CNST: variants seen among roughly 807,000 people sequenced by gnomAD.
The protein encoded by CNST is consortin, connexin sorting protein.
A neutral mutation model predicts 72.4 loss-of-function variants in CNST; 39 were observed. The observed-to-expected ratio is 0.54, with a 90% CI of 0.42 to 0.70. CNST has a LOEUF of 0.70. Ranked by LOEUF, CNST falls within the 30% of genes least tolerant of loss-of-function variation. The pLI, the probability that CNST is intolerant of heterozygous loss-of-function variation, is 0.00. For missense variants in CNST, 871 were observed against 868.5 expected (o/e 1.00, Z -0.04); for synonymous variants, 332 against 320.1 (o/e 1.04, Z -0.40).
At chr1:246,634,750 C>T (rs1045020322) in intron 6 of CNST, among the ~76,000 whole-genome samples, 163 bp downstream of exon 6, 3 of 152,188 alleles carry the variant, frequency 2.0e-5, no homozygotes, top group African/African-American at 4.8e-5. Flanking sequence ...ACCCCGGGAG[C>T]GCGCCAACAG....
chr1:246,607,491 CA>C (rs1035111074), intron 2 of CNST: 1 of 152,732 alleles, frequency 6.5e-6, no homozygotes, highest in African/African-American at 2.4e-5. Context: ...ACAGACAGCA[CA>C]AGGCAGTGTG....
At chr1:246,586,109 A>ACG (rs1661170297) in intron 1 of CNST, among the ~76,000 whole-genome samples, 2 of 122,174 alleles carry the variant, frequency 1.6e-5, no homozygotes, top group Admixed American at 8.7e-5. Context: ...ATATATATAT[A>ACG]TATGTGTGTG....
chr1:246,628,648 C>T (rs1664595405), intron 3 of CNST, among the ~76,000 whole-genome samples: 3 of 152,148 alleles, frequency 2.0e-5, no homozygotes, highest in Admixed American at 6.6e-5. Flanking sequence ...ATCGGGCCCT[C>T]CCTTGGGCCT....
intron 2 of CNST, among the ~76,000 whole-genome samples, chr1:246,613,732 C>T (rs1183840214): frequency 7.9e-6 from 1 of 127,312 alleles, no homozygotes. Flanking sequence ...CTAGCTTTGT[C>T]TTCCAGGCTG....
intron 2 of CNST, among the ~76,000 whole-genome samples, chr1:246,610,255 T>C (rs1663219762): frequency 1.3e-5 from 2 of 152,364 alleles, no homozygotes; most frequent in Admixed American, 6.5e-5. Flanking sequence ...CACTCCAGCC[T>C]GGGCAATGGA....
At chr1:246,645,718 C>T (rs927668116) in intron 8 of CNST, among the ~76,000 whole-genome samples, 4 of 151,986 alleles carry the variant, frequency 2.6e-5, no homozygotes, top group Admixed American at 6.6e-5. Flanking sequence ...TGAGCCACCG[C>T]GCCCGGCCAA....
chr1:246,633,837 T>G, intron 4 of CNST, 87 bp from the exon 5 acceptor site: 1 of 812,680 alleles, frequency 1.2e-6, no homozygotes, highest in East Asian at 2.6e-5. Flanking sequence ...AGCTGCAAAT[T>G]TCTCAACATC....
Position 246,620,781 on chromosome 1 carries a change from G to A in CNST, c.380-648G>A, listed in dbSNP as rs113419212. 4.2e-3 allele frequency among the ~76,000 whole-genome samples: 632 copies of A among 150,492 alleles called. 4 individuals carry two copies. Among genetic ancestry groups the A allele is most frequent in the African/African-American group, 0.015 (598 of 40,762 alleles). On this transcript the variant is annotated intron_variant, in intron 2 of 10. Transcript: ENST00000366513. The stretch of plus-strand genomic sequence containing the variant: ...CTTCAGTCATGCATACACACGATGG[G>A]CTCTGGGCACACTCTACAGGGAAGA...
chr1:246,570,905 G>A (rs1660029920), intron 1 of CNST, among the ~76,000 whole-genome samples: 1 of 152,100 alleles, frequency 6.6e-6, no homozygotes, highest in African/African-American at 2.4e-5. Context: ...TGCTTAATGA[G>A]AAATTCTAAC....
In CNST at chr1:246,577,642, C is replaced by T. The variant is rs1660514212; in HGVS notation, c.-52+10979C>T. Among the ~76,000 whole-genome samples, 3 of 152,160 alleles carry T rather than the reference C, an allele frequency of 2.0e-5. No homozygotes were observed. In the South Asian group the frequency reaches 6.2e-4, roughly 32 times the overall value. On this transcript the variant is annotated intron_variant, in intron 1 of 10. Coordinates refer to ENST00000366513, the MANE Select transcript of CNST (RefSeq NM_152609.3). The stretch of plus-strand genomic sequence containing the variant: ...TTGCCTTTTTAATGGGCATAGAATT[C>T]TCTTTCATGTTTTTCTGTAGCCGAG...
intron 3 of CNST, among the ~76,000 whole-genome samples, chr1:246,629,467 A>G (rs1236217860): frequency 6.6e-6 from 1 of 152,190 alleles, no homozygotes; most frequent in Admixed American, 6.5e-5. Context: ...TAGAACTGCT[A>G]CAGAAGCCTG....
chr1:246,574,165 C>T (rs986322308), intron 1 of CNST, among the ~76,000 whole-genome samples: 28 of 152,184 alleles, frequency 1.8e-4, no homozygotes, highest in African/African-American at 6.8e-4. Context: ...CCTCAGCCTC[C>T]GGAGTGGCTG....
chr1:246,633,715 C>G (rs1252186148), intron 4 of CNST, among the ~76,000 whole-genome samples: 1 of 150,764 alleles, frequency 6.6e-6, no homozygotes, highest in Non-Finnish European at 1.5e-5. Context: ...TGCACTCCAG[C>G]CTGGACTACA....
chr1:246,637,122 G>GT (rs756947303), intron 6 of CNST, among the ~76,000 whole-genome samples: 7 of 152,180 alleles, frequency 4.6e-5, no homozygotes, highest in Non-Finnish European at 5.9e-5. Flanking sequence ...TTTCAGCTTG[G>GT]TAGAAGAAAC....
rs1041205263 is a variant in CNST at position 246,665,995 on chromosome 1, C to A, written c.*90C>A. 3.3e-6 allele frequency: 3 copies of A among 903,054 alleles called. No homozygotes were observed. The highest frequency in any genetic ancestry group is 3.3e-5 in the African/African-American group (2 of 60,284). 55.9% of individuals were successfully genotyped at this position (903,054 alleles called of 1,614,324 possible). On this transcript the variant is annotated 3_prime_UTR_variant, in exon 11 of 11. Transcript: ENST00000366513. Reference sequence around the variant, plus strand: ...TTCTTTCAGGAATTCTGTAGCATTCCCCCTTCCCTCTGTTAGGAACCAAGG... The same window carrying A: ...TTCTTTCAGGAATTCTGTAGCATTCACCCTTCCCTCTGTTAGGAACCAAGG...
intron 2 of CNST, among the ~76,000 whole-genome samples, chr1:246,618,016 C>T (rs1455900345): frequency 6.6e-6 from 1 of 152,140 alleles, no homozygotes; most frequent in Non-Finnish European, 1.5e-5. Context: ...AGCAAACACA[C>T]CACTATTTGT....
Position 246,647,889 on chromosome 1 carries a change from T to G in CNST, c.1688T>G (p.Leu563Arg). The part of the protein sequence containing the change: ...EGCLKDTEDS[L>R]SYEDNQDDDS... The stretch of plus-strand genomic sequence containing the variant: ...TGTTTAAAAGATACTGAAGATTCCC[T>G]TTCCTATGAAGATAACCAAGACGAC... Residue 563 changes from leucine to arginine, a missense_variant, in exon 9 of 11, where the codon CTT becomes CGT. Physicochemically the swap from Leu to Arg is moderately radical, Grantham distance 102 (BLOSUM62 -2). Transcript: ENST00000366513. 6.2e-7 allele frequency: 1 copy of G among 1,614,090 alleles called. No individual in the cohort carries two copies.
chr1:246,647,280 T>C lies in CNST; in HGVS notation c.1079T>C (p.Met360Thr). 6.2e-7 allele frequency: 1 copy of C among 1,614,134 alleles called. No individual in the cohort carries two copies. Among genetic ancestry groups the C allele is most frequent in the South Asian group, 1.1e-5 (1 of 91,078 alleles). Residue 360 changes from methionine to threonine, a missense_variant, in exon 9 of 11, where the codon ATG (methionine) becomes ACG (threonine). Physicochemically the swap from Met to Thr is moderately conservative, Grantham distance 81. Coordinates refer to ENST00000366513, the MANE Select transcript of CNST (RefSeq NM_152609.3). ...TCGGTAACTGCAGGAAAGGACCACA[T>C]GGAGGAGCTGCTCTGCAGCGCTGAA... ...SLSVTAGKDH[M>T]EELLCSAEAT...
chr1:246,575,617 A>AG (rs1491258019), intron 1 of CNST, among the ~76,000 whole-genome samples: 3 of 152,064 alleles, frequency 2.0e-5, no homozygotes, highest in African/African-American at 7.2e-5. Context: ...TATGTAGGGC[A>AG]GGGGGGATCT....
Sources: allele counts gnomAD v4.1 joint callset (sites outside exome capture counted in the v4.1 genomes callset), GRCh38; gene constraint gnomAD v4.1.1; transcripts MANE v1.5; gene names NCBI Gene and HGNC (gene_info 2026-07-23, HGNC 2026-07-21).